OR5H6: variants seen among roughly 807,000 people sequenced by gnomAD.
OR5H6 encodes the protein olfactory receptor 5H6.
For missense variants in OR5H6, 429 were observed against 358.1 expected (o/e 1.20, Z -1.60); for synonymous variants, 151 against 127.7 (o/e 1.18, Z -1.23).
In OR5H6 at chr3:98,264,524, G is replaced by C; in HGVS notation, c.192G>C (p.Gly64=). The change falls in exon 1 of 1, where the codon GGG becomes GGC. Residue 64 remains glycine, a synonymous_variant. Transcript: ENST00000615035. ...ATATCCCAATGTACTTATTCCTTGG[G>C]AGTTTAGCCTTTGTGGATGCTTCGT... The part of the protein sequence containing the change: ...HLHIPMYLFL[G]SLAFVDASLS... The C allele has an allele frequency of 6.2e-7, 1 of 1,612,902 alleles. No homozygotes were observed. The highest frequency in any genetic ancestry group is 8.5e-7 in the Non-Finnish European group (1 of 1,179,102).
At position 98,265,333 on chromosome 3, in the gene OR5H6, C is replaced by A. The variant is rs2107391151; in HGVS notation, c.*71C>A. The A allele has an allele frequency of 1.4e-6, 2 of 1,469,590 alleles. No homozygotes were observed. The highest frequency in any genetic ancestry group is 1.5e-5 in the South Asian group (1 of 67,808). The allele number at this position is 1,469,590 out of a possible 1,614,324, so 91.0% of individuals were successfully genotyped here. Reference sequence around the variant, plus strand: ...TTGTGCAAGTTAGAGGTGTCTATGTCTTGCCAGCATTCAAAGATGATGCAA... The same window carrying A: ...TTGTGCAAGTTAGAGGTGTCTATGTATTGCCAGCATTCAAAGATGATGCAA... On this transcript the variant is annotated 3_prime_UTR_variant, in exon 1 of 1. Transcript: ENST00000615035.
chr3:98,264,478 T>C lies in OR5H6; in HGVS notation c.146T>C (p.Ile49Thr), dbSNP rs140964885. 6 of 1,612,770 alleles carry C rather than the reference T, an allele frequency of 3.7e-6. No homozygotes were observed. Among genetic ancestry groups the C allele is most frequent in the Non-Finnish European group, 4.2e-6 (5 of 1,178,874 alleles). Residue 49 changes from isoleucine to threonine, a missense_variant, in exon 1 of 1, where the codon ATC becomes ACC. Transcript: ENST00000615035. ...GGGAATCTTGGTCTAATTGTTCTCATCTGGAAAGACCCTCACCTTCATATC... is the reference window on the plus strand; with the variant it reads ...GGGAATCTTGGTCTAATTGTTCTCACCTGGAAAGACCCTCACCTTCATATC... ...IMGNLGLIVLIWKDPHLHIPM... is the reference protein window; with the variant it reads ...IMGNLGLIVLTWKDPHLHIPM...
rs764019892 is a variant in OR5H6 at position 98,264,904 on chromosome 3, A to T, written c.572A>T (p.Asp191Val). ...IIPLLKISCT[D>V]SSINFLMVFI... is the part of the protein sequence containing the mutation. ...CCATTGTTAAAGATTTCCTGTACTG[A>T]TTCCTCTATTAACTTTCTAATGGTT... The change falls in exon 1 of 1, where the codon GAT (aspartate) becomes GTT (valine). Residue 191 changes from aspartate to valine, a missense_variant. By Grantham distance (152) the Asp-to-Val change is radical. Transcript: ENST00000615035. 3 of 1,610,060 alleles carry T rather than the reference A, an allele frequency of 1.9e-6. No homozygotes were observed. The highest frequency in any genetic ancestry group is 2.2e-5 in the East Asian group (1 of 44,838).
Position 98,264,734 on chromosome 3 carries a change from C to G in OR5H6, c.402C>G (p.Val134=). ...TTTGCAAAGCTTTACTTTATCCAGT[C>G]ATTATGACCAATGAACTATGCATTC... ...VAICKALLYP[V]IMTNELCIQL... The change falls in exon 1 of 1, where the codon GTC becomes GTG. Residue 134 remains valine, a synonymous_variant. Coordinates refer to ENST00000615035, the MANE Select transcript of OR5H6 (RefSeq NM_001005479.2). 1 of 1,613,278 alleles carries G rather than the reference C, an allele frequency of 6.2e-7. No homozygotes were observed. Among genetic ancestry groups the G allele is most frequent in the Non-Finnish European group, 8.5e-7 (1 of 1,179,366 alleles).
chr3:98,265,115 C>T lies in OR5H6; in HGVS notation c.783C>T (p.Gly261=), dbSNP rs772448858. 38 of 1,612,988 alleles carry T rather than the reference C, an allele frequency of 2.4e-5. No homozygotes were observed. The South Asian group carries it at 3.0e-4, about 13-fold the overall frequency. ...YYGPLTFKYL[G]SASPQADDQD... Reference sequence around the variant, plus strand: ...GCCCCCTCACCTTCAAATATCTGGGCTCTGCATCTCCGCAAGCAGATGACC... The same window carrying T: ...GCCCCCTCACCTTCAAATATCTGGGTTCTGCATCTCCGCAAGCAGATGACC... The change falls in exon 1 of 1, where the codon GGC becomes GGT. Residue 261 remains glycine, a synonymous_variant. Transcript: ENST00000615035.
rs756944679 is a variant in OR5H6, at chr3:98,264,332, G to C, written c.-1G>C. ...TTTTTCAGAGGACATGCAGTGAGGA[G>C]ATGGAAGAGGAAAATGCAACATTGC... On this transcript the variant is annotated 5_prime_UTR_variant, in exon 1 of 1. Transcript: ENST00000615035. 37 of 1,612,776 alleles carry C rather than the reference G, an allele frequency of 2.3e-5. No homozygotes were observed. In the East Asian group the frequency reaches 7.4e-4, roughly 32 times the overall value.
rs1705851215 is a variant in OR5H6, at chr3:98,264,489, C to T, written c.157C>T (p.Pro53Ser). Residue 53 changes from proline to serine, a missense_variant, in exon 1 of 1, where the codon CCT (proline) becomes TCT (serine). By Grantham distance (74) the Pro-to-Ser change is moderately conservative. Transcript: ENST00000615035. ...LGLIVLIWKD[P>S]HLHIPMYLFL... ...TCTAATTGTTCTCATCTGGAAAGAC[C>T]CTCACCTTCATATCCCAATGTACTT... 1 of 1,612,552 alleles carries T rather than the reference C, an allele frequency of 6.2e-7. No individual in the cohort carries two copies. Among genetic ancestry groups the T allele is most frequent in the Non-Finnish European group, 8.5e-7 (1 of 1,178,784 alleles).
In OR5H6 at chr3:98,265,056, G is replaced by T. The variant is rs1705870453; in HGVS notation, c.724G>T (p.Gly242Trp). The change falls in exon 1 of 1, where the codon GGG becomes TGG. Residue 242 changes from glycine to tryptophan, a missense_variant. Gly to Trp is a radical substitution (Grantham distance 184). Transcript: ENST00000615035. ...KGIRKAVSTC[G>W]AHLLSVSLYY... Reference sequence around the variant, plus strand: ...GATACGAAAAGCTGTCTCCACCTGTGGGGCTCATCTCTTATCTGTATCTTT... The same window carrying T: ...GATACGAAAAGCTGTCTCCACCTGTTGGGCTCATCTCTTATCTGTATCTTT... 1 of 1,612,642 alleles carries T rather than the reference G, an allele frequency of 6.2e-7. No individual in the cohort carries two copies. The highest frequency in any genetic ancestry group is 1.3e-5 in the African/African-American group (1 of 74,850).
At position 98,265,284 on chromosome 3, in the gene OR5H6, C is replaced by G. The variant is rs781289550; in HGVS notation, c.*22C>G. The G allele has an allele frequency of 1.3e-6, 2 of 1,535,214 alleles. No individual in the cohort carries two copies. The highest frequency in any genetic ancestry group is 1.7e-6 in the Non-Finnish European group (2 of 1,145,502). On this transcript the variant is annotated 3_prime_UTR_variant, in exon 1 of 1. Transcript: ENST00000615035. ...TTAGATCTCATACAATCTCTCTTCT[C>G]TATTTACTAAAATTGTCCCAAGATT...
Position 98,265,110 on chromosome 3 carries a change from C to G in OR5H6, c.778C>G (p.Leu260Val), listed in dbSNP as rs779154216. 1.9e-6 allele frequency: 3 copies of G among 1,613,084 alleles called. No individual in the cohort carries two copies. ...CTATGGCCCCCTCACCTTCAAATAT[C>G]TGGGCTCTGCATCTCCGCAAGCAGA... ...LYYGPLTFKYLGSASPQADDQ... is the reference protein window; with the variant it reads ...LYYGPLTFKYVGSASPQADDQ... Residue 260 changes from leucine (L) to valine (V), a missense_variant, in exon 1 of 1, where the codon CTG becomes GTG. Transcript: ENST00000615035.
chr3:98,264,633 T>C lies in OR5H6; in HGVS notation c.301T>C (p.Phe101Leu), dbSNP rs1705855210. ...ATCTCTCTCTGAATGCATGGTACAATTTTTTTCCCTTGTAACCACTGTAAC... is the reference window on the plus strand; with the variant it reads ...ATCTCTCTCTGAATGCATGGTACAACTTTTTTCCCTTGTAACCACTGTAAC... ...MISLSECMVQFFSLVTTVTTE... is the reference protein window; with the variant it reads ...MISLSECMVQLFSLVTTVTTE... The change falls in exon 1 of 1, where the codon TTT (phenylalanine) becomes CTT (leucine). Residue 101 changes from phenylalanine to leucine, a missense_variant. Physicochemically the swap from Phe to Leu is conservative, Grantham distance 22 (BLOSUM62 0). Coordinates refer to ENST00000615035, the MANE Select transcript of OR5H6 (RefSeq NM_001005479.2). 1 of 1,583,516 alleles carries C rather than the reference T, an allele frequency of 6.3e-7. No homozygotes were observed. The highest frequency in any genetic ancestry group is 1.4e-5 in the African/African-American group (1 of 72,164).
rs141607315 is a variant in OR5H6 at position 98,264,410 on chromosome 3, G to A, written c.78G>A (p.Pro26=). The change falls in exon 1 of 1, where the codon CCG becomes CCA. Residue 26 remains proline (P), a synonymous_variant. Transcript: ENST00000615035. ...TACATCAACCTGACTGTAAAATACC[G>A]CTCTTCCTGGCATTCTTGGTAATAT... The part of the protein sequence containing the change: ...GFLHQPDCKI[P]LFLAFLVIYL... The A allele has an allele frequency of 2.0e-3, 3,204 of 1,612,692 alleles. 25 individuals carry two copies. The African/African-American group carries it at 0.02, about 10-fold the overall frequency.
rs1376410526 is a variant in OR5H6 at position 98,265,227 on chromosome 3, G to C, written c.895G>C (p.Ala299Pro). The C allele has an allele frequency of 1.4e-5, 22 of 1,589,454 alleles. No individual in the cohort carries two copies. The East Asian group carries it at 4.7e-4, about 34-fold the overall frequency. ...CAGCCTGAGAAACAAGCAAGTAATA[G>C]CTTCATTCACAAAAATGTTCAAAAG... ...IYSLRNKQVI[A>P]SFTKMFKSNV is the part of the protein sequence containing the mutation. Residue 299 changes from alanine to proline, a missense_variant, in exon 1 of 1, where the codon GCT (alanine) becomes CCT (proline). By Grantham distance (27) the Ala-to-Pro change is conservative. Transcript: ENST00000615035.
Position 98,264,266 on chromosome 3 carries a change from A to C in OR5H6, c.-67A>C, listed in dbSNP as rs746298756. 7 of 1,591,824 alleles carry C rather than the reference A, an allele frequency of 4.4e-6. No individual in the cohort carries two copies. Among genetic ancestry groups the C allele is most frequent in the Non-Finnish European group, 8.6e-7 (1 of 1,169,540 alleles). The stretch of plus-strand genomic sequence containing the variant: ...TTTCAACACCTCTTCCCCAATTTCA[A>C]CTCACAATTCCATTGCAAATGTTCC... On this transcript the variant is annotated 5_prime_UTR_variant, in exon 1 of 1. Transcript: ENST00000615035.
In OR5H6 at chr3:98,264,482, G is replaced by A. The variant is rs1559838807; in HGVS notation, c.150G>A (p.Trp50Ter). 1 of 1,612,684 alleles carries A rather than the reference G, an allele frequency of 6.2e-7. No homozygotes were observed. Among genetic ancestry groups the A allele is most frequent in the Non-Finnish European group, 8.5e-7 (1 of 1,178,884 alleles). The change falls in exon 1 of 1, where the codon TGG becomes TGA. Residue 50 changes from tryptophan (W) to a stop codon, truncating the protein, a stop_gained. Transcript: ENST00000615035. LOFTEE classifies it low-confidence loss of function (END_TRUNC). The stretch of plus-strand genomic sequence containing the variant: ...ATCTTGGTCTAATTGTTCTCATCTG[G>A]AAAGACCCTCACCTTCATATCCCAA... Reference protein sequence around the residue: ...MGNLGLIVLIWKDPHLHIPMY... With the variant: ...MGNLGLIVLI
chr3:98,265,042 C>T lies in OR5H6; in HGVS notation c.710C>T (p.Ala237Val). The T allele has an allele frequency of 6.2e-7, 1 of 1,612,820 alleles. No individual in the cohort carries two copies. Among genetic ancestry groups the T allele is most frequent in the Non-Finnish European group, 8.5e-7 (1 of 1,179,406 alleles). Reference sequence around the variant, plus strand: ...AAGTCTATCAAAGGGATACGAAAAGCTGTCTCCACCTGTGGGGCTCATCTC... The same window carrying T: ...AAGTCTATCAAAGGGATACGAAAAGTTGTCTCCACCTGTGGGGCTCATCTC... ...EKKSIKGIRKAVSTCGAHLLS... is the reference protein window; with the variant it reads ...EKKSIKGIRKVVSTCGAHLLS... The change falls in exon 1 of 1, where the codon GCT becomes GTT. Residue 237 changes from alanine to valine, a missense_variant. Coordinates refer to ENST00000615035, the MANE Select transcript of OR5H6 (RefSeq NM_001005479.2).
At position 98,265,206 on chromosome 3, in the gene OR5H6, C is replaced by A. The variant is rs1559839435; in HGVS notation, c.874C>A (p.Leu292Met). ...TTTATTAAATCCCATGATCTACAGC[C>A]TGAGAAACAAGCAAGTAATAGCTTC... ...VPLLNPMIYS[L>M]RNKQVIASFT... is the part of the protein sequence containing the mutation. The change falls in exon 1 of 1, where the codon CTG becomes ATG. Residue 292 changes from leucine (L) to methionine (M), a missense_variant. Transcript: ENST00000615035. 17 of 1,602,478 alleles carry A rather than the reference C, an allele frequency of 1.1e-5. No homozygotes were observed. Among genetic ancestry groups the A allele is most frequent in the Non-Finnish European group, 1.4e-5 (16 of 1,176,116 alleles).
rs1432452355 is a variant in OR5H6 at position 98,264,609 on chromosome 3, T to G, written c.277T>G (p.Ser93Ala). The stretch of plus-strand genomic sequence containing the variant: ...CTTCTTAGCTAAGAGTAAGATGATA[T>G]CTCTCTCTGAATGCATGGTACAATT... ...INFLAKSKMI[S>A]LSECMVQFFS... The change falls in exon 1 of 1, where the codon TCT becomes GCT. Residue 93 changes from serine (S) to alanine (A), a missense_variant. Transcript: ENST00000615035. 4 of 1,611,212 alleles carry G rather than the reference T, an allele frequency of 2.5e-6. No individual in the cohort carries two copies. In the East Asian group the frequency reaches 6.7e-5, roughly 27 times the overall value.
In OR5H6 at chr3:98,264,785, T is replaced by C. The variant is rs779901010; in HGVS notation, c.453T>C (p.Gly151=). 3 of 1,612,646 alleles carry C rather than the reference T, an allele frequency of 1.9e-6. No individual in the cohort carries two copies. In the East Asian group the frequency reaches 6.7e-5, roughly 36 times the overall value. Residue 151 remains glycine, a synonymous_variant, in exon 1 of 1, where the codon GGT becomes GGC. Coordinates refer to ENST00000615035, the MANE Select transcript of OR5H6 (RefSeq NM_001005479.2). ...CIQLLVLSFI[G]GLLHALIHEA... ...AGCTATTAGTCTTGTCATTTATAGGTGGCCTTCTTCATGCTTTAATCCATG... is the reference window on the plus strand; with the variant it reads ...AGCTATTAGTCTTGTCATTTATAGGCGGCCTTCTTCATGCTTTAATCCATG...
Sources: allele counts gnomAD v4.1 joint callset, GRCh38; gene constraint gnomAD v4.1.1; transcripts MANE v1.5; gene names NCBI Gene and HGNC (gene_info 2026-07-23, HGNC 2026-07-21).